Variants in TAOK1 observed in about 807,000 individuals in gnomAD.
TAOK1 encodes TAO kinase 1, also known as serine/threonine-protein kinase TAO1.
A neutral mutation model predicts 138.3 loss-of-function variants in TAOK1; 21 were observed. The ratio of observed to expected loss-of-function variants is 0.15; its 90% confidence interval spans 0.11 to 0.22. The LOEUF is 0.22. Ranked by LOEUF, TAOK1 falls within the 10% of genes least tolerant of loss-of-function variation. The pLI is 1.00. For synonymous variants in TAOK1, 361 were observed against 398.4 expected (o/e 0.91, Z 1.12); for missense variants, 651 against 1,227.7 (o/e 0.53, Z 7.02).
At chr17:29,533,004 A>ACGGGGCGGTTG (rs766983857) in intron 18 of TAOK1, among the ~76,000 whole-genome samples, 64,188 of 65,358 alleles carry the variant, frequency 0.98, 31,553 homozygotes, top group East Asian at 0.99. Context: ...CCCCACCTCC[A>ACGGGGCGGTTG]ACCGGGCGGG....
intron 2 of TAOK1, 35 bp from the exon 3 acceptor site, chr17:29,467,110 T>G: frequency 6.6e-7 from 1 of 1,520,038 alleles, no homozygotes; most frequent in Non-Finnish European, 8.9e-7. Context: ...CACCTGTTAA[T>G]TTTTACAGTG....
chr17:29,533,280 G>T (rs2150774135), intron 18 of TAOK1, among the ~76,000 whole-genome samples: 1 of 150,854 alleles, frequency 6.6e-6, no homozygotes, highest in South Asian at 2.1e-4. Context: ...TCCTAGATGG[G>T]ATGGCGGCCG....
intron 16 of TAOK1, among the ~76,000 whole-genome samples, chr17:29,518,037 G>A (rs2031848927): frequency 6.6e-6 from 1 of 151,948 alleles, no homozygotes; most frequent in Non-Finnish European, 1.5e-5. Flanking sequence ...TGTATTTTTA[G>A]TAGACATGGG....
chr17:29,463,697 A>G (rs113954148), intron 2 of TAOK1, among the ~76,000 whole-genome samples: 446 of 152,330 alleles, frequency 2.9e-3, no homozygotes, highest in African/African-American at 0.01. Context: ...GCCTTCTTAG[A>G]TGGGACATTA....
chr17:29,456,957 T>C lies in TAOK1; in HGVS notation c.132+5277T>C, dbSNP rs2030394197. Among the ~76,000 whole-genome samples the C allele has an allele frequency of 1.3e-5, 2 of 150,046 alleles. 1 individual carries two copies. Among genetic ancestry groups the C allele is most frequent in the African/African-American group, 5.1e-5 (2 of 39,466 alleles). On this transcript the variant is annotated intron_variant, in intron 2 of 19. Coordinates refer to ENST00000261716, the MANE Select transcript of TAOK1 (RefSeq NM_020791.4). ...ACTGTGTTAGCCAGGATGGTCTCGATCTCCTGGTCTTGTGATCCGCCTTCC... is the reference window on the plus strand; with the variant it reads ...ACTGTGTTAGCCAGGATGGTCTCGACCTCCTGGTCTTGTGATCCGCCTTCC...
At chr17:29,507,262 T>TA (rs145258747) in intron 13 of TAOK1, among the ~76,000 whole-genome samples, 1,877 of 148,306 alleles carry the variant, frequency 0.013, 39 homozygotes, top group African/African-American at 0.043. Flanking sequence ...TAAATTGAGG[T>TA]TTTTTTTTTG....
chr17:29,501,940 G>A (rs2031538383), intron 12 of TAOK1, among the ~76,000 whole-genome samples: 1 of 152,182 alleles, frequency 6.6e-6, no homozygotes, highest in Non-Finnish European at 1.5e-5. Flanking sequence ...GGGAGGCTGA[G>A]GTGGGAGGAT....
intron 1 of TAOK1, among the ~76,000 whole-genome samples, chr17:29,407,758 C>G (rs114624262): frequency 6.6e-6 from 1 of 152,082 alleles, no homozygotes; most frequent in African/African-American, 2.4e-5. Flanking sequence ...AGGTATCTTA[C>G]TCTTTTTGAA....
At chr17:29,421,731 T>C (rs1905449905) in intron 1 of TAOK1, among the ~76,000 whole-genome samples, 1 of 152,068 alleles carries the variant, frequency 6.6e-6, no homozygotes. Flanking sequence ...CCCAAGTAGC[T>C]GGAACCACAT....
intron 1 of TAOK1, among the ~76,000 whole-genome samples, chr17:29,437,056 TTTTGTTTGTTTG>T (rs1005770321): frequency 5.3e-5 from 8 of 152,038 alleles, no homozygotes; most frequent in African/African-American, 1.7e-4. Flanking sequence ...AAAAAACCTT[TTTTGTTTGTTTG>T]TTTGTTTGTT....
rs1438696830 is a variant in TAOK1, at chr17:29,546,781, C to T, written c.*3759C>T. ...CTCATACTGTACATTTCCATCAGGG[C>T]ACTTAAAAGTTCTGTTATTTTTGTT... On this transcript the variant is annotated 3_prime_UTR_variant, in exon 20 of 20. Coordinates refer to ENST00000261716, the MANE Select transcript of TAOK1 (RefSeq NM_020791.4). The T allele has an allele frequency of 6.6e-6, 1 of 152,074 alleles. No individual in the cohort carries two copies. Among genetic ancestry groups the T allele is most frequent in the Non-Finnish European group, 1.5e-5 (1 of 67,990 alleles). 9.4% of individuals were successfully genotyped at this position (152,074 alleles called of 1,614,324 possible). A position where few individuals can be genotyped will look rare whatever the true frequency, so the allele number is the denominator to read the frequency against.
At position 29,548,467 on chromosome 17, in the gene TAOK1, A is replaced by G. The variant is rs2032438922; in HGVS notation, c.*5445A>G. On this transcript the variant is annotated 3_prime_UTR_variant, in exon 20 of 20. Coordinates refer to ENST00000261716, the MANE Select transcript of TAOK1 (RefSeq NM_020791.4). ...TGTTTTGTTTCTAAATATACAAGGAATTCTTTAAATAGAGAAAAAGGTTAA... is the reference window on the plus strand; with the variant it reads ...TGTTTTGTTTCTAAATATACAAGGAGTTCTTTAAATAGAGAAAAAGGTTAA... The G allele has an allele frequency of 6.6e-6, 1 of 152,100 alleles. No homozygotes were observed. The allele number at this position is 152,100 out of a possible 1,614,324, so 9.4% of individuals were successfully genotyped here.
At chr17:29,446,788 G>C (rs1290856566) in intron 1 of TAOK1, among the ~76,000 whole-genome samples, 1 of 149,800 alleles carries the variant, frequency 6.7e-6, no homozygotes, top group Non-Finnish European at 1.5e-5. Flanking sequence ...TCCCAGGCTG[G>C]AGTACAATGG....
intron 11 of TAOK1, among the ~76,000 whole-genome samples, chr17:29,496,940 A>G (rs1445908451): frequency 6.6e-6 from 1 of 152,136 alleles, no homozygotes; most frequent in Non-Finnish European, 1.5e-5. Context: ...CTCAGAATAA[A>G]TTAAGTTGCT....
chr17:29,448,740 A>G (rs571632043), intron 1 of TAOK1, among the ~76,000 whole-genome samples: 3 of 152,206 alleles, frequency 2.0e-5, no homozygotes, highest in Non-Finnish European at 2.9e-5. Context: ...AAGTGAAATC[A>G]TTTTTAGGAG....
chr17:29,395,183 G>A (rs1338354897), intron 1 of TAOK1, among the ~76,000 whole-genome samples: 1 of 152,162 alleles, frequency 6.6e-6, no homozygotes, highest in African/African-American at 2.4e-5. Context: ...GATGGAGGCT[G>A]CAGTGAGTTG....
At chr17:29,417,608 C>T (rs1008017120) in intron 1 of TAOK1, among the ~76,000 whole-genome samples, 10 of 152,152 alleles carry the variant, frequency 6.6e-5, no homozygotes, top group Admixed American at 5.9e-4. Flanking sequence ...CTTAATTCCA[C>T]CTGTGGCCAG....
chr17:29,500,636 G>C (rs1256602694), intron 12 of TAOK1, among the ~76,000 whole-genome samples: 1 of 151,656 alleles, frequency 6.6e-6, no homozygotes, highest in East Asian at 1.9e-4. Context: ...AGCTACTCAG[G>C]AGTCTGAGAC....
intron 1 of TAOK1, among the ~76,000 whole-genome samples, chr17:29,411,696 A>G (rs1598469546): frequency 6.6e-6 from 1 of 152,246 alleles, no homozygotes; most frequent in East Asian, 1.9e-4. Flanking sequence ...CCTGGCCTAC[A>G]GAAGTACTTT....
Sources: allele counts gnomAD v4.1 joint callset (sites outside exome capture counted in the v4.1 genomes callset), GRCh38; gene constraint gnomAD v4.1.1; transcripts MANE v1.5; gene names NCBI Gene and HGNC (gene_info 2026-07-23, HGNC 2026-07-21).